Variants in VWF observed in about 807,000 individuals in gnomAD.
VWF encodes von Willebrand factor.
In VWF, 176 loss-of-function variants were observed where a neutral mutation model predicts 308.6. The observed-to-expected ratio is 0.57, with a 90% CI of 0.50 to 0.65. VWF has a LOEUF of 0.65. VWF is among the 30% of genes least tolerant of loss of function. The probability of loss-of-function intolerance (pLI) is 0.00; values close to 1 mark genes in which losing one functional copy is unlikely to be tolerated. For synonymous variants in VWF, 1,385 were observed against 1,443.4 expected, an observed-to-expected ratio of 0.96 and a Z score of 0.92; for missense variants, 3,146 against 3,648.2, an observed-to-expected ratio of 0.86 and a Z score of 3.55.
chr12:6,066,134 T>C (rs1052648859), intron 10 of VWF, among the ~76,000 whole-genome samples: 1 of 151,766 alleles, frequency 6.6e-6, no homozygotes, highest in African/African-American at 2.4e-5. Context: ...TCCCACACCA[T>C]CTCCCCCACG....
Position 5,994,700 on chromosome 12 carries a change from C to T in VWF, c.6064-93G>A, listed in dbSNP as rs1023910109. ...ACCGAGAGTTCCTGCACATTCATCA[C>T]ACTCAACTGCAACATCAGCCACAAA... is the stretch of plus-strand genomic sequence containing the variant. On this transcript the variant is annotated intron_variant, in intron 35 of 51. Transcript: ENST00000261405. The T allele has an allele frequency of 3.7e-6, 4 of 1,084,388 alleles. No individual in the cohort carries two copies. In the African/African-American group the frequency reaches 4.6e-5, roughly 13 times the overall value. The allele number at this position is 1,084,388 out of a possible 1,614,324, so 67.2% of individuals were successfully genotyped here. A position where few individuals can be genotyped will look rare whatever the true frequency, so the allele number is the denominator to read the frequency against.
intron 5 of VWF, chr12:6,095,793 C>T: frequency 1.6e-6 from 1 of 626,438 alleles, no homozygotes; most frequent in Non-Finnish European, 2.7e-6. Context: ...TTTGACTTGA[C>T]CCATCTCTGG....
At chr12:5,961,605 ACAC>A in intron 47 of VWF, among the ~76,000 whole-genome samples, 1 of 149,364 alleles carries the variant, frequency 6.7e-6, no homozygotes, top group South Asian at 2.1e-4. Flanking sequence ...AAAAAAAAAA[ACAC>A]TATTACTACA....
chr12:6,014,102 C>G (rs4764480), intron 31 of VWF, among the ~76,000 whole-genome samples: 13,015 of 151,822 alleles, frequency 0.086, 1,307 homozygotes, highest in East Asian at 0.4. Flanking sequence ...ATGGAAGGAG[C>G]CAAGAGGATG....
intron 5 of VWF, among the ~76,000 whole-genome samples, chr12:6,101,771 T>A (rs1004732504): frequency 6.6e-6 from 1 of 151,880 alleles, no homozygotes; most frequent in Admixed American, 6.6e-5. Context: ...TGAGACTCCA[T>A]CTCAAAAAGA....
chr12:6,008,798 C>T (rs1943960089), intron 34 of VWF, among the ~76,000 whole-genome samples: 1 of 152,154 alleles, frequency 6.6e-6, no homozygotes, highest in African/African-American at 2.4e-5. Context: ...TTAGCAAATT[C>T]AGCGAAGTTA....
intron 28 of VWF, among the ~76,000 whole-genome samples, chr12:6,017,292 C>T (rs1463188975): frequency 6.6e-6 from 1 of 152,192 alleles, no homozygotes; most frequent in Non-Finnish European, 1.5e-5. Flanking sequence ...TCAGATCTTG[C>T]AGGGCAGGTG....
At chr12:5,951,937 T>C in intron 49 of VWF, 54 bp from the exon 50 acceptor site, 4 of 1,599,350 alleles carry the variant, frequency 2.5e-6, no homozygotes, top group African/African-American at 1.3e-5. Flanking sequence ...AGTAGACAGC[T>C]TTCAGGTCAC....
At chr12:5,950,248 T>C (rs1781408950) in intron 50 of VWF, among the ~76,000 whole-genome samples, 1 of 152,142 alleles carries the variant, frequency 6.6e-6, no homozygotes, top group Admixed American at 6.5e-5. Context: ...CAGAAGCTAA[T>C]GGGCAATGAA....
chr12:6,091,099 G>A (rs1251014076), intron 6 of VWF, among the ~76,000 whole-genome samples: 3 of 152,192 alleles, frequency 2.0e-5, no homozygotes, highest in Non-Finnish European at 2.9e-5. Flanking sequence ...AAGTCTTTTG[G>A]AATGTACTTG....
chr12:6,098,877 G>T (rs1001034063), intron 5 of VWF, among the ~76,000 whole-genome samples: 6 of 152,078 alleles, frequency 3.9e-5, no homozygotes, highest in African/African-American at 1.4e-4. Context: ...GGCAAGGGTG[G>T]CAATCTTGCC....
At chr12:6,118,376 C>CA (rs1945392212) in intron 3 of VWF, among the ~76,000 whole-genome samples, 1 of 65,486 alleles carries the variant, frequency 1.5e-5, no homozygotes, top group African/African-American at 5.0e-5. Flanking sequence ...CCTCTGGTCA[C>CA]TTTTTTTTTT....
Position 5,996,209 on chromosome 12 carries a change from G to A in VWF, c.5856C>T (p.Gly1952=). The A allele has an allele frequency of 2.5e-6, 4 of 1,612,648 alleles. No individual in the cohort carries two copies. Among genetic ancestry groups the A allele is most frequent in the Non-Finnish European group, 3.4e-6 (4 of 1,179,418 alleles). ...CRWTCPCVCT[G]SSTRHIVTFD... ...AGGTCACGATGTGCCGAGTGGAGCT[G>A]CCTGTGCACACGCCTGGACAGAGAG... The change falls in exon 35 of 52, where the codon GGC becomes GGT. Residue 1952 remains glycine, a synonymous_variant. Coordinates refer to ENST00000261405, the MANE Select transcript of VWF (RefSeq NM_000552.5).
chr12:5,966,106 G>A (rs1943400052), intron 47 of VWF, among the ~76,000 whole-genome samples: 1 of 152,190 alleles, frequency 6.6e-6, no homozygotes, highest in South Asian at 2.1e-4. Flanking sequence ...AGAGCAGGCT[G>A]CAGTGCCGTC....
chr12:6,059,157 T>C (rs1218665103), intron 13 of VWF, among the ~76,000 whole-genome samples: 2 of 152,202 alleles, frequency 1.3e-5, no homozygotes, highest in African/African-American at 4.8e-5. Flanking sequence ...TAATGTTTCC[T>C]TGTTTGCTTG....
Position 5,996,201 on chromosome 12 carries a change from G to C in VWF, c.5864C>G (p.Thr1955Ser). 1 of 1,613,304 alleles carries C rather than the reference G, an allele frequency of 6.2e-7. No individual in the cohort carries two copies. Among genetic ancestry groups the C allele is most frequent in the Non-Finnish European group, 8.5e-7 (1 of 1,179,724 alleles). ...CCCATCAAAGGTCACGATGTGCCGA[G>C]TGGAGCTGCCTGTGCACACGCCTGG... ...TCPCVCTGSS[T>S]RHIVTFDGQN... The change falls in exon 35 of 52, where the codon ACT becomes AGT. Residue 1955 changes from threonine to serine, a missense_variant. Coordinates refer to ENST00000261405, the MANE Select transcript of VWF (RefSeq NM_000552.5).
chr12:6,004,643 A>G (rs1249658302), intron 34 of VWF, among the ~76,000 whole-genome samples: 1 of 151,968 alleles, frequency 6.6e-6, no homozygotes, highest in Non-Finnish European at 1.5e-5. Flanking sequence ...AATCCATGAT[A>G]AAACTAACTC....
At chr12:6,027,845 C>CACAT (rs1165260928) in intron 22 of VWF, among the ~76,000 whole-genome samples, 2 of 77,292 alleles carry the variant, frequency 2.6e-5, no homozygotes, top group Non-Finnish European at 5.0e-5. Context: ...ACATGGAAGA[C>CACAT]ACATACACAC....
rs746364619 is a variant in VWF at position 5,964,219 on chromosome 12, A to AATACATAC, written c.7887+3259_7887+3266dup. On this transcript the variant is annotated intron_variant, in intron 47 of 51. Coordinates refer to ENST00000261405, the MANE Select transcript of VWF (RefSeq NM_000552.5). Reference sequence around the variant, plus strand: ...GCGACAGAGAGAGACTCTGTCTAAAAATACATACATACATACATACATACA... The same window carrying AATACATAC: ...GCGACAGAGAGAGACTCTGTCTAAAAATACATACATACATACATACATACATACATACA... Among the ~76,000 whole-genome samples, 318 of 118,224 alleles carry AATACATAC rather than the reference A, an allele frequency of 2.7e-3. 4 individuals carry two copies. The highest frequency in any genetic ancestry group is 0.011 in the African/African-American group (290 of 26,744). 77.6% of individuals were successfully genotyped at this position (118,224 alleles called of 152,430 possible).
Sources: allele counts gnomAD v4.1 joint callset (sites outside exome capture counted in the v4.1 genomes callset), GRCh38; gene constraint gnomAD v4.1.1; transcripts MANE v1.5; gene names NCBI Gene and HGNC (gene_info 2026-07-23, HGNC 2026-07-21).